MICAL3: variants seen among roughly 807,000 people sequenced by gnomAD.
MICAL3 encodes the protein microtubule associated monooxygenase, calponin and LIM domain containing 3.
Under a neutral mutation model 207.4 loss-of-function variants are expected in MICAL3, and 62 were observed. The ratio of observed to expected loss-of-function variants is 0.30; its 90% CI spans 0.24 to 0.37. The LOEUF is 0.37. Ranked by LOEUF, MICAL3 falls within the 10% of genes least tolerant of loss-of-function variation. The probability of loss-of-function intolerance (pLI) is 1.00; values close to 1 mark genes in which losing one functional copy is unlikely to be tolerated. For synonymous variants in MICAL3, 1,077 were observed against 1,069.3 expected, an observed-to-expected ratio of 1.01 and a Z score of -0.14; for missense variants, 2,368 against 2,635.6, an observed-to-expected ratio of 0.90 and a Z score of 2.22.
At chr22:17,836,631 T>G (rs999146820) in intron 20 of MICAL3, among the ~76,000 whole-genome samples, 4 of 151,218 alleles carry the variant, frequency 2.6e-5, no homozygotes, top group Admixed American at 2.6e-4. Flanking sequence ...CAGGAACCAC[T>G]TGAAGTTCCT....
intron 1 of MICAL3, among the ~76,000 whole-genome samples, chr22:17,911,745 T>C (rs565444410): frequency 1.3e-5 from 2 of 152,232 alleles, no homozygotes; most frequent in Middle Eastern, 3.4e-3. Flanking sequence ...GGTGGGAGGA[T>C]TGCTTGAGCC....
intron 21 of MICAL3, among the ~76,000 whole-genome samples, chr22:17,830,871 C>T (rs2146040915): frequency 6.6e-6 from 1 of 152,356 alleles, no homozygotes; most frequent in African/African-American, 2.4e-5. Flanking sequence ...CTGGGGCCAA[C>T]ATCCTGGAGC....
At chr22:17,822,759 G>C (rs1441323446) in intron 23 of MICAL3, among the ~76,000 whole-genome samples, 188 bp downstream of exon 23, 1 of 152,228 alleles carries the variant, frequency 6.6e-6, no homozygotes, top group Non-Finnish European at 1.5e-5. Context: ...GATGACTGCA[G>C]GCCAAGTCGC....
rs58173583 is a variant in MICAL3, at chr22:17,960,043, C to T, written c.-74-53157G>A. Among the ~76,000 whole-genome samples, 1,232 of 152,322 alleles carry T rather than the reference C, an allele frequency of 8.1e-3. 15 individuals are homozygous for T. Among genetic ancestry groups the T allele is most frequent in the African/African-American group, 0.028 (1,155 of 41,566 alleles). ...TAAACTGATGAGCAAAAGGAGGCTTCTCTCTCAGCCTCATGGGGACACAGG... is the reference window on the plus strand; with the variant it reads ...TAAACTGATGAGCAAAAGGAGGCTTTTCTCTCAGCCTCATGGGGACACAGG... On this transcript the variant is annotated intron_variant, in intron 1 of 31. Transcript: ENST00000441493.
chr22:17,860,024 T>C (rs1926341825), intron 19 of MICAL3: 1 of 207,496 alleles, frequency 4.8e-6, no homozygotes, highest in Non-Finnish European at 8.4e-6. Flanking sequence ...GCACCTCTGC[T>C]GTCTTGCTGA....
At chr22:18,006,143 T>C (rs1923369690) in intron 1 of MICAL3, 1 of 152,168 alleles carries the variant, frequency 6.6e-6, no homozygotes, top group South Asian at 2.1e-4. Flanking sequence ...CATTCAAACA[T>C]TTATTGGGCA....
At chr22:17,816,641 G>C in intron 27 of MICAL3, 49 bp downstream of exon 27, 1 of 1,425,520 alleles carries the variant, frequency 7.0e-7, no homozygotes, top group Non-Finnish European at 9.7e-7. Context: ...GCCCAACAAT[G>C]AACAGACAGG....
chr22:17,839,668 G>A (rs1246603005), intron 20 of MICAL3: 1 of 151,264 alleles, frequency 6.6e-6, no homozygotes, highest in Non-Finnish European at 1.5e-5. Context: ...CTGGGTTCCA[G>A]TGATTCTCCT....
At chr22:17,972,968 T>A (rs1935485523) in intron 1 of MICAL3, among the ~76,000 whole-genome samples, 1 of 152,214 alleles carries the variant, frequency 6.6e-6, no homozygotes, top group Non-Finnish European at 1.5e-5. Flanking sequence ...ACGTCAGGCA[T>A]GTTGCGCCTT....
rs1251046526 is a variant in MICAL3, at chr22:17,832,038, G to A, written c.2871C>T (p.Asp957=). 5.0e-6 allele frequency: 8 copies of A among 1,604,642 alleles called. No homozygotes were observed. Among genetic ancestry groups the A allele is most frequent in the Non-Finnish European group, 6.8e-6 (8 of 1,176,018 alleles). ...CCTCCTTCCACGGAACACCACCCAGGTCAGATGGGGGCAGGCGAGGCTCCT... is the reference window on the plus strand; with the variant it reads ...CCTCCTTCCACGGAACACCACCCAGATCAGATGGGGGCAGGCGAGGCTCCT... ...EEEEPRLPPS[D]LGGVPWKEAV... The change falls in exon 21 of 32, where the codon GAC becomes GAT. Residue 957 remains aspartate, a synonymous_variant. Transcript: ENST00000441493.
intron 1 of MICAL3, among the ~76,000 whole-genome samples, chr22:17,915,484 A>T (rs1268282976): frequency 6.6e-6 from 1 of 152,208 alleles, no homozygotes; most frequent in Admixed American, 6.5e-5. Context: ...AGGTCCTACC[A>T]AGGCACTCGG....
At chr22:17,913,609 T>C (rs1356491219) in intron 1 of MICAL3, among the ~76,000 whole-genome samples, 3 of 152,146 alleles carry the variant, frequency 2.0e-5, no homozygotes, top group African/African-American at 4.8e-5. Context: ...TAGAGGCATC[T>C]GAGAAGAGCC....
intron 16 of MICAL3, chr22:17,875,682 T>TTAAAA (rs771912643): frequency 1.5e-4 from 26 of 170,758 alleles, no homozygotes; most frequent in South Asian, 1.0e-3. Context: ...CCATGTATAG[T>TTAAAA]AAAAAAAAAA....
At chr22:17,855,347 G>A (rs1283504203) in intron 19 of MICAL3, among the ~76,000 whole-genome samples, 1 of 152,230 alleles carries the variant, frequency 6.6e-6, no homozygotes, top group African/African-American at 2.4e-5. Flanking sequence ...GTGAATGGCA[G>A]CTGTGAAGCT....
At chr22:17,822,779 G>A (rs531953486) in intron 23 of MICAL3, among the ~76,000 whole-genome samples, 168 bp downstream of exon 23, 1 of 152,342 alleles carries the variant, frequency 6.6e-6, no homozygotes, top group Admixed American at 6.5e-5. Context: ...CCTGGTGCTC[G>A]TGGGTAGGTG....
At chr22:17,919,452 A>G (rs779876303) in intron 1 of MICAL3, among the ~76,000 whole-genome samples, 4 of 152,222 alleles carry the variant, frequency 2.6e-5, no homozygotes, top group Non-Finnish European at 4.4e-5. Context: ...GCGTCCTTGC[A>G]CCTGGAACAG....
chr22:17,914,648 A>T (rs534409268), intron 1 of MICAL3, among the ~76,000 whole-genome samples: 1 of 152,298 alleles, frequency 6.6e-6, no homozygotes, highest in South Asian at 2.1e-4. Context: ...TAAATTTAGC[A>T]AGGACACACA....
Position 17,796,857 on chromosome 22 carries a change from C to A in MICAL3, c.5651-5556G>T, listed in dbSNP as rs1201273384. Among the ~76,000 whole-genome samples the A allele has an allele frequency of 6.6e-6, 1 of 152,244 alleles. No individual in the cohort carries two copies. The highest frequency in any genetic ancestry group is 1.5e-5 in the Non-Finnish European group (1 of 68,054). On this transcript the variant is annotated intron_variant, in intron 29 of 31. Coordinates refer to ENST00000441493, the MANE Select transcript of MICAL3 (RefSeq NM_015241.3). The surrounding 1 kb of genome is among the most constrained non-coding windows in gnomAD (Gnocchi z 4.4). ...GCCCTTGGCGCACCCGAGCACCTCA[C>A]TCCAGGCCCTGCCTCTCATGGGCCC...
At chr22:17,912,368 T>TAA (rs113708314) in intron 1 of MICAL3, among the ~76,000 whole-genome samples, 32 of 140,710 alleles carry the variant, frequency 2.3e-4, no homozygotes, top group African/African-American at 4.3e-4. Flanking sequence ...TCTATTTCTG[T>TAA]AAAAAAAAAA....
Sources: gnomAD v4.1 joint callset for allele counts (sites outside exome capture counted in the v4.1 genomes callset) on GRCh38, gnomAD v4.1.1 for gene constraint, Gnocchi (gnomAD v3.1) non-coding constraint, MANE v1.5 for transcripts, NCBI Gene and HGNC (gene_info 2026-07-23, HGNC 2026-07-21) for gene names.